Variants in ADGRB3 observed in about 807,000 individuals in gnomAD.
The protein encoded by ADGRB3 is adhesion G protein-coupled receptor B3, also known as brain-specific angiogenesis inhibitor 3.
A neutral mutation model predicts 193.4 loss-of-function variants in ADGRB3; 37 were observed. The observed-to-expected ratio is 0.19, with a 90% CI of 0.15 to 0.25. ADGRB3 has a LOEUF of 0.25. Ranked by LOEUF, ADGRB3 falls within the 10% of genes least tolerant of loss-of-function variation. The pLI is 1.00. For missense variants in ADGRB3, 1,637 were observed against 1,852.9 expected, an observed-to-expected ratio of 0.88 and a Z score of 2.14; for synonymous variants, 690 against 644.2, an observed-to-expected ratio of 1.07 and a Z score of -1.08.
At chr6:68,928,898 C>T (rs1582322701) in intron 3 of ADGRB3, among the ~76,000 whole-genome samples, 2 of 152,096 alleles carry the variant, frequency 1.3e-5, no homozygotes, top group Admixed American at 1.3e-4. Context: ...TACTAAATTC[C>T]GGTGCTATTT....
At chr6:69,064,570 A>G (rs1771843507) in intron 16 of ADGRB3, among the ~76,000 whole-genome samples, 1 of 152,054 alleles carries the variant, frequency 6.6e-6, no homozygotes, top group Non-Finnish European at 1.5e-5. Flanking sequence ...GAATTTGTGT[A>G]TTCAAAATTT....
chr6:68,788,576 A>G (rs1219829342), intron 3 of ADGRB3, among the ~76,000 whole-genome samples: 2 of 152,102 alleles, frequency 1.3e-5, no homozygotes, highest in Non-Finnish European at 2.9e-5. Context: ...TACTCCAACT[A>G]TGTGGTCCGT....
intron 17 of ADGRB3, among the ~76,000 whole-genome samples, chr6:69,139,403 C>T (rs763592604): frequency 6.6e-6 from 1 of 152,184 alleles, no homozygotes; most frequent in African/African-American, 2.4e-5. Context: ...AGGCATTCTG[C>T]TCTCAGTGAG....
At chr6:69,158,217 TC>T (rs1423757908) in intron 17 of ADGRB3, among the ~76,000 whole-genome samples, 1 of 151,992 alleles carries the variant, frequency 6.6e-6, no homozygotes, top group Non-Finnish European at 1.5e-5. Flanking sequence ...TTATTTATTT[TC>T]CCCCTCACAC....
intron 3 of ADGRB3, among the ~76,000 whole-genome samples, chr6:68,890,554 A>C (rs953368465): frequency 2.6e-5 from 4 of 152,174 alleles, no homozygotes; most frequent in African/African-American, 9.7e-5. Flanking sequence ...TTATTTGTTT[A>C]TTTTACTTAA....
At position 68,934,641 on chromosome 6, in the gene ADGRB3, C is replaced by A. The variant is rs188260284; in HGVS notation, c.869-1878C>A. Reference sequence around the variant, plus strand: ...TTAATCTCATCATAGTTCAGAACATCATTTTAAAAAGTGTATTATATTTTC... The same window carrying A: ...TTAATCTCATCATAGTTCAGAACATAATTTTAAAAAGTGTATTATATTTTC... On this transcript the variant is annotated intron_variant, in intron 4 of 31. Transcript: ENST00000370598. Among the ~76,000 whole-genome samples the A allele has an allele frequency of 4.4e-3, 672 of 152,190 alleles. 1 individual carries two copies. The highest frequency in any genetic ancestry group is 0.015 in the African/African-American group (628 of 41,546).
At chr6:68,872,968 T>A (rs1210770433) in intron 3 of ADGRB3, among the ~76,000 whole-genome samples, 1 of 152,024 alleles carries the variant, frequency 6.6e-6, no homozygotes, top group African/African-American at 2.4e-5. Context: ...CCAGATAAAG[T>A]GGAGAGGAGA....
intron 20 of ADGRB3, among the ~76,000 whole-genome samples, chr6:69,317,521 C>G (rs1426638146): frequency 6.6e-6 from 1 of 151,430 alleles, no homozygotes; most frequent in African/African-American, 2.4e-5. Flanking sequence ...GATTTTTCAA[C>G]CAACCATTCT....
At chr6:69,046,543 A>G (rs1771243490) in intron 13 of ADGRB3, among the ~76,000 whole-genome samples, 1 of 152,224 alleles carries the variant, frequency 6.6e-6, no homozygotes, top group Non-Finnish European at 1.5e-5. Context: ...TTTAACATCT[A>G]TAATTTATTT....
intron 13 of ADGRB3, among the ~76,000 whole-genome samples, chr6:69,025,105 A>T (rs1618251): frequency 0.11 from 15,657 of 145,774 alleles, 1,727 homozygotes; most frequent in East Asian, 0.61. Context: ...AAAAAAAAAA[A>T]AAAATAAAAA....
At chr6:68,796,203 G>C (rs1316977424) in intron 3 of ADGRB3, among the ~76,000 whole-genome samples, 1 of 151,682 alleles carries the variant, frequency 6.6e-6, no homozygotes, top group Non-Finnish European at 1.5e-5. Flanking sequence ...AAACCACCTG[G>C]CATCTAGATC....
At chr6:69,255,835 G>A (rs1766755355) in intron 20 of ADGRB3, among the ~76,000 whole-genome samples, 1 of 152,132 alleles carries the variant, frequency 6.6e-6, no homozygotes, top group Non-Finnish European at 1.5e-5. Flanking sequence ...TATGGTTTTA[G>A]GTCTAATGTT....
At chr6:69,248,827 T>C (rs1008631698) in intron 20 of ADGRB3, among the ~76,000 whole-genome samples, 1 of 152,204 alleles carries the variant, frequency 6.6e-6, no homozygotes, top group Non-Finnish European at 1.5e-5. Flanking sequence ...TCTGGGCTGA[T>C]GCTTTATGTA....
intron 3 of ADGRB3, among the ~76,000 whole-genome samples, chr6:68,901,215 T>G (rs927238259): frequency 2.2e-4 from 34 of 152,232 alleles, no homozygotes; most frequent in African/African-American, 7.7e-4. Context: ...GAATATGGTC[T>G]TATCTCAAGA....
chr6:68,652,759 A>T (rs1411648407), intron 3 of ADGRB3, among the ~76,000 whole-genome samples: 1 of 152,146 alleles, frequency 6.6e-6, no homozygotes, highest in Non-Finnish European at 1.5e-5. Flanking sequence ...TTTCAGTTTC[A>T]AACTCAAGTT....
intron 3 of ADGRB3, among the ~76,000 whole-genome samples, chr6:68,863,067 T>A (rs1297349567): frequency 1.3e-5 from 2 of 152,186 alleles, no homozygotes; most frequent in Non-Finnish European, 2.9e-5. Flanking sequence ...ATTACTATAT[T>A]TTTTGTTTCT....
chr6:69,339,542 G>T, intron 26 of ADGRB3, 38 bp downstream of exon 26: 1 of 1,581,092 alleles, frequency 6.3e-7, no homozygotes, highest in Non-Finnish European at 8.7e-7. Flanking sequence ...AGTGATGGTT[G>T]GAATGGTATT....
intron 17 of ADGRB3, among the ~76,000 whole-genome samples, chr6:69,154,455 CTTGTCA>C (rs1406504537): frequency 6.6e-6 from 1 of 152,166 alleles, no homozygotes; most frequent in East Asian, 1.9e-4. Flanking sequence ...GTACCTCTGC[CTTGTCA>C]TTACGGTAGT....
At chr6:68,812,858 T>C (rs959231098) in intron 3 of ADGRB3, among the ~76,000 whole-genome samples, 1 of 150,242 alleles carries the variant, frequency 6.7e-6, no homozygotes, top group Non-Finnish European at 1.5e-5. Flanking sequence ...CAGTGTGTGA[T>C]GTTCCCCTCC....
Sources: gnomAD v4.1 joint callset for allele counts (sites outside exome capture counted in the v4.1 genomes callset) on GRCh38, gnomAD v4.1.1 for gene constraint, MANE v1.5 for transcripts, NCBI Gene and HGNC (gene_info 2026-07-23, HGNC 2026-07-21) for gene names.